The following MX1 variants were observed in gnomAD, a reference collection of about 807,000 sequenced individuals.
MX1 encodes MX dynamin like GTPase 1, also known as interferon-induced GTP-binding protein Mx1.
MX1 carries 66 observed loss-of-function variants against 66.4 expected under a neutral mutation model. The observed-to-expected ratio is 0.99, with a 90% CI of 0.82 to 1.22. MX1 has a LOEUF of 1.22. Among genes scored for constraint, MX1 ranks in the 50% most tolerant of loss-of-function variants. MX1 has a pLI of 0.00. For synonymous variants in MX1, 311 were observed against 318.1 expected, an observed-to-expected ratio of 0.98 and a Z score of 0.24; for missense variants, 787 against 834.3, an observed-to-expected ratio of 0.94 and a Z score of 0.70.
chr21:41,454,733 C>T (rs1218611497), intron 16 of MX1, among the ~76,000 whole-genome samples: 4 of 152,112 alleles, frequency 2.6e-5, no homozygotes, highest in Non-Finnish European at 4.4e-5. Flanking sequence ...GTGTAAACAC[C>T]TGAGGAGGTA....
chr21:41,436,431 A>AT (rs1445733710), intron 6 of MX1, among the ~76,000 whole-genome samples: 3 of 152,164 alleles, frequency 2.0e-5, no homozygotes, highest in Admixed American at 6.5e-5. Context: ...CTCATTGCAC[A>AT]TTTTTTTCAC....
At chr21:41,431,758 GC>G in intron 4 of MX1, 1 of 289,736 alleles carries the variant, frequency 3.5e-6, no homozygotes, top group Non-Finnish European at 6.7e-6. Context: ...ACAGGCGTGA[GC>G]CCCGGGGCCC....
intron 5 of MX1, among the ~76,000 whole-genome samples, 165 bp from the exon 6 acceptor site, chr21:41,435,672 A>G (rs997245084): frequency 6.6e-6 from 1 of 152,178 alleles, no homozygotes; most frequent in African/African-American, 2.4e-5. Flanking sequence ...AGCATGGGGG[A>G]AACCTCCCCC....
At chr21:41,428,625 G>A (rs1265098444) in intron 3 of MX1, 2 of 152,284 alleles carry the variant, frequency 1.3e-5, no homozygotes, top group African/African-American at 4.8e-5. Flanking sequence ...CTCCACAGGT[G>A]TGCGTGCCAC....
chr21:41,443,787 G>T lies in MX1; in HGVS notation c.930-1G>T. On this transcript the variant is annotated splice_acceptor_variant, in intron 10 of 16. Coordinates refer to ENST00000398598, the MANE Select transcript of MX1 (RefSeq NM_002462.5). LOFTEE classifies it high-confidence loss of function. ...GAAATCGGTCCTGTGTTCTCTTCTA[G>T]GGATCTGCTGGAGGAAGGAAAGGCC... 6.2e-7 allele frequency: 1 copy of T among 1,614,178 alleles called. No homozygotes were observed. The highest frequency in any genetic ancestry group is 8.5e-7 in the Non-Finnish European group (1 of 1,179,992).
At chr21:41,420,601 G>T (rs80343070) in exon 1 of MX1, 4,174 of 152,458 alleles carry the variant, frequency 0.027, 175 homozygotes, top group South Asian at 0.18. Flanking sequence ...GGAAATTCGC[G>T]GTGGGGGCGG....
At chr21:41,432,000 G>A (rs2090227654) in intron 4 of MX1, 50 bp from the exon 5 acceptor site, 1 of 1,506,380 alleles carries the variant, frequency 6.6e-7, no homozygotes, top group African/African-American at 1.4e-5. Flanking sequence ...TTCCATGGTT[G>A]AATGCACCCA....
At chr21:41,439,594 G>T in intron 7 of MX1, 100 bp from the exon 8 acceptor site, 1 of 1,123,770 alleles carries the variant, frequency 8.9e-7, no homozygotes, top group South Asian at 1.4e-5. Flanking sequence ...TTTTATCCAT[G>T]ACTCGCAGAG....
chr21:41,441,102 ACCTGTGCTCGGTGAGAATGGGGGAGCCCG>A lies in MX1; in HGVS notation c.730+120_730+148del, dbSNP rs1568980741. 44 of 1,294,002 alleles carry A rather than the reference ACCTGTGCTCGGTGAGAATGGGGGAGCCCG, an allele frequency of 3.4e-5. No homozygotes were observed. The East Asian group carries it at 1.2e-3, about 35-fold the overall frequency. 80.2% of individuals were successfully genotyped at this position (1,294,002 alleles called of 1,614,324 possible). On this transcript the variant is annotated intron_variant, in intron 9 of 16. Coordinates refer to ENST00000398598, the MANE Select transcript of MX1 (RefSeq NM_002462.5). The surrounding 1 kb of genome is among the most constrained non-coding windows in gnomAD (Gnocchi z 4.0). The stretch of plus-strand genomic sequence containing the variant: ...GTGCTCGGTGAGAATGGGGGAGCCC[ACCTGTGCTCGGTGAGAATGGGGGAGCCCG>A]CCTGTGCTCGGTGAGAATGGGGGAG...
chr21:41,451,322 G>A (rs1388399033), intron 15 of MX1, 79 bp downstream of exon 15: 3 of 940,726 alleles, frequency 3.2e-6, no homozygotes, highest in Non-Finnish European at 5.0e-6. Context: ...TTTCTTGGAT[G>A]AGGATTATTT....
Position 41,446,094 on chromosome 21 carries a change from A to C in MX1, c.1226A>C (p.His409Pro). The C allele has an allele frequency of 1.2e-6, 2 of 1,614,206 alleles. No individual in the cohort carries two copies. Among genetic ancestry groups the C allele is most frequent in the South Asian group, 1.1e-5 (1 of 91,080 alleles). Residue 409 changes from histidine to proline, a missense_variant, in exon 13 of 17, where the codon CAC (histidine) becomes CCC (proline). By Grantham distance (77) the His-to-Pro change is moderately conservative. Transcript: ENST00000398598. The stretch of plus-strand genomic sequence containing the variant: ...ATTCGGCTGTTTACCAGACTCCGAC[A>C]CGAGTTCCACAAATGGAGTACAATA... ...EDIRLFTRLR[H>P]EFHKWSTIIE...
intron 5 of MX1, among the ~76,000 whole-genome samples, chr21:41,434,025 T>A (rs1332128287): frequency 6.6e-6 from 1 of 152,166 alleles, no homozygotes; most frequent in African/African-American, 2.4e-5. Context: ...AGAGGCCAGG[T>A]ATTTGGCTAA....
chr21:41,437,900 T>C (rs760271219), intron 7 of MX1, among the ~76,000 whole-genome samples: 1 of 152,166 alleles, frequency 6.6e-6, no homozygotes, highest in Non-Finnish European at 1.5e-5. Flanking sequence ...GTTTGCATAA[T>C]CCCAGCTTAG....
At chr21:41,453,982 G>A (rs2090898582) in intron 16 of MX1, among the ~76,000 whole-genome samples, 1 of 152,168 alleles carries the variant, frequency 6.6e-6, no homozygotes, top group African/African-American at 2.4e-5. Context: ...AATGGTAAAT[G>A]TTTCTTTTCA....
chr21:41,422,116 G>C (rs2090000004), upstream of MX1: 1 of 152,226 alleles, frequency 6.6e-6, no homozygotes, highest in Non-Finnish European at 1.5e-5. Flanking sequence ...CTAAGTCACA[G>C]GGTGAGATAG....
chr21:41,456,075 C>G (rs956307341), intron 16 of MX1, among the ~76,000 whole-genome samples: 1 of 152,126 alleles, frequency 6.6e-6, no homozygotes, highest in African/African-American at 2.4e-5. Flanking sequence ...AACCCGGTCT[C>G]TACTAAAAAT....
intron 8 of MX1, among the ~76,000 whole-genome samples, chr21:41,440,541 T>C (rs908219085): frequency 5.3e-5 from 8 of 152,218 alleles, no homozygotes; most frequent in Admixed American, 5.2e-4. Flanking sequence ...TTAGTATCAG[T>C]GAATCTCACT....
intron 15 of MX1, among the ~76,000 whole-genome samples, chr21:41,451,844 A>C (rs1035394727): frequency 1.0e-4 from 15 of 144,998 alleles, no homozygotes; most frequent in African/African-American, 4.0e-4. Flanking sequence ...CAAAAAAAAA[A>C]AAAAAAACAA....
chr21:41,439,631 C>A, intron 7 of MX1, 63 bp from the exon 8 acceptor site: 1 of 1,488,234 alleles, frequency 6.7e-7, no homozygotes, highest in Non-Finnish European at 9.3e-7. Context: ...AGAGTATTCA[C>A]CATCATGAGA....
Sources: gnomAD v4.1 joint callset for allele counts (sites outside exome capture counted in the v4.1 genomes callset) on GRCh38, gnomAD v4.1.1 for gene constraint, Gnocchi (gnomAD v3.1) non-coding constraint, MANE v1.5 for transcripts, NCBI Gene and HGNC (gene_info 2026-07-23, HGNC 2026-07-21) for gene names.